The following GRM7 variants were observed in gnomAD, a reference collection of about 807,000 sequenced individuals.
GRM7 encodes glutamate metabotropic receptor 7.
A neutral mutation model predicts 84.5 loss-of-function variants in GRM7; 35 were observed. The observed-to-expected ratio is 0.41, with a 90% CI of 0.32 to 0.55. GRM7 has a LOEUF of 0.55. GRM7 is among the 20% of genes least tolerant of loss of function. The probability of loss-of-function intolerance (pLI) is 0.19; values close to 1 mark genes in which losing one functional copy is unlikely to be tolerated. For missense variants in GRM7, 1,003 were observed against 1,194.6 expected (o/e 0.84, Z 2.36); for synonymous variants, 487 against 455.1 (o/e 1.07, Z -0.89).
At chr3:7,201,589 G>C (rs924387473) in intron 2 of GRM7, among the ~76,000 whole-genome samples, 4 of 152,134 alleles carry the variant, frequency 2.6e-5, no homozygotes, top group South Asian at 2.1e-4. Context: ...TTGAAGGTTT[G>C]CTATGTACCA....
intron 8 of GRM7, among the ~76,000 whole-genome samples, chr3:7,632,773 C>G (rs2125097747): frequency 6.6e-6 from 1 of 152,268 alleles, no homozygotes; most frequent in East Asian, 1.9e-4. Context: ...TTCCTGAGCA[C>G]TGTCATCCTA....
chr3:7,616,113 A>G (rs1697067950), intron 8 of GRM7, among the ~76,000 whole-genome samples: 1 of 152,118 alleles, frequency 6.6e-6, no homozygotes, highest in African/African-American at 2.4e-5. Context: ...ATAATGCTCT[A>G]TTTAGAAATT....
At chr3:7,484,461 C>T (rs1402486481) in intron 7 of GRM7, among the ~76,000 whole-genome samples, 1 of 151,984 alleles carries the variant, frequency 6.6e-6, no homozygotes, top group African/African-American at 2.4e-5. Context: ...GTGTCAATAC[C>T]CATAAAGTGT....
chr3:7,581,950 T>C (rs1489608002), intron 8 of GRM7, among the ~76,000 whole-genome samples: 6 of 152,154 alleles, frequency 3.9e-5, no homozygotes, highest in Non-Finnish European at 8.8e-5. Flanking sequence ...TGTTTTATCA[T>C]TGTTAATCCC....
At chr3:7,250,542 A>G (rs77165750) in intron 2 of GRM7, among the ~76,000 whole-genome samples, 151,632 of 151,636 alleles carry the variant, frequency 1, 75,814 homozygotes, top group Non-Finnish European at 1. Flanking sequence ...AAAAAATCCA[A>G]AAAAATCCCC....
intron 4 of GRM7, among the ~76,000 whole-genome samples, chr3:7,346,920 G>A (rs1406589982): frequency 6.6e-6 from 1 of 151,928 alleles, no homozygotes; most frequent in African/African-American, 2.4e-5. Flanking sequence ...ACCTACTTTG[G>A]GACTTCTGAC....
chr3:7,110,875 A>C (rs148237209), intron 1 of GRM7, among the ~76,000 whole-genome samples: 29 of 152,188 alleles, frequency 1.9e-4, no homozygotes, highest in African/African-American at 5.8e-4. Context: ...GATGAGGAAC[A>C]TTCAACACAG....
chr3:6,931,615 T>G (rs1034273071), intron 1 of GRM7, among the ~76,000 whole-genome samples: 19 of 152,330 alleles, frequency 1.2e-4, no homozygotes, highest in African/African-American at 4.3e-4. Context: ...CTACCTTATT[T>G]ACTCTAAGAA....
chr3:7,134,275 G>A (rs1693698956), intron 1 of GRM7, among the ~76,000 whole-genome samples: 1 of 152,062 alleles, frequency 6.6e-6, no homozygotes, highest in South Asian at 2.1e-4. Flanking sequence ...AAAATTTGCA[G>A]CTTCTTCCTT....
At chr3:6,987,779 A>T (rs968659467) in intron 1 of GRM7, among the ~76,000 whole-genome samples, 4 of 152,140 alleles carry the variant, frequency 2.6e-5, no homozygotes, top group Admixed American at 6.5e-5. Flanking sequence ...AGTATTGAGG[A>T]CCAAGATTCC....
chr3:7,095,365 CT>C (rs1290663880), intron 1 of GRM7, among the ~76,000 whole-genome samples: 1 of 152,146 alleles, frequency 6.6e-6, no homozygotes, highest in African/African-American at 2.4e-5. Context: ...AAGCATCCCT[CT>C]TTGGAATGAC....
At chr3:7,399,251 TTG>T (rs1695346859) in intron 4 of GRM7, among the ~76,000 whole-genome samples, 1 of 152,028 alleles carries the variant, frequency 6.6e-6, no homozygotes, top group African/African-American at 2.4e-5. Flanking sequence ...ACCCTCTACC[TTG>T]TTCTCTAAGC....
intron 2 of GRM7, among the ~76,000 whole-genome samples, chr3:7,248,171 C>T (rs1343045038): frequency 6.6e-6 from 1 of 152,122 alleles, no homozygotes; most frequent in East Asian, 1.9e-4. Context: ...ATACTCAATG[C>T]TTATAGCAGC....
chr3:7,065,026 T>C (rs1220452509), intron 1 of GRM7, among the ~76,000 whole-genome samples: 3 of 151,990 alleles, frequency 2.0e-5, no homozygotes, highest in Non-Finnish European at 4.4e-5. Context: ...GCCCACTTTT[T>C]GATGGGATTG....
At chr3:6,882,548 A>C (rs1154355) in intron 1 of GRM7, among the ~76,000 whole-genome samples, 91,029 of 144,756 alleles carry the variant, frequency 0.63, 28,949 homozygotes, top group Middle Eastern at 0.76. Context: ...CTTGTTTCCC[A>C]AAAAAAAAAT....
At chr3:7,419,677 A>G (rs1408345273) in intron 5 of GRM7, among the ~76,000 whole-genome samples, 2 of 152,182 alleles carry the variant, frequency 1.3e-5, no homozygotes, top group Admixed American at 1.3e-4. Flanking sequence ...TTGTCTAACT[A>G]ATATCACTGT....
chr3:7,099,589 TATGTAC>T (rs1331532344), intron 1 of GRM7, among the ~76,000 whole-genome samples: 1 of 141,292 alleles, frequency 7.1e-6, no homozygotes, highest in East Asian at 2.0e-4. Context: ...CATATATGTA[TATGTAC>T]ACGCATTATA....
Position 7,472,306 on chromosome 3 carries a change from T to C in GRM7, c.1515+10584T>C, listed in dbSNP as rs139139572. Among the ~76,000 whole-genome samples, 745 of 152,292 alleles carry C rather than the reference T, an allele frequency of 4.9e-3. 1 individual carries two copies. The highest frequency in any genetic ancestry group is 8.4e-3 in the Non-Finnish European group (571 of 68,018). On this transcript the variant is annotated intron_variant, in intron 7 of 9. Coordinates refer to ENST00000357716, the MANE Select transcript of GRM7 (RefSeq NM_000844.4). ...TCCTCTATAGAAACATAAAATGGAC[T>C]AAGAGAGTTCACATAATTGTGTAAA... is the stretch of plus-strand genomic sequence containing the variant.
chr3:7,232,116 G>A (rs1697213973), intron 2 of GRM7, among the ~76,000 whole-genome samples: 1 of 152,124 alleles, frequency 6.6e-6, no homozygotes, highest in African/African-American at 2.4e-5. Context: ...ATTAGTAGCA[G>A]TTTTGACAAA....
Sources: gnomAD v4.1 joint callset for allele counts (sites outside exome capture counted in the v4.1 genomes callset) on GRCh38, gnomAD v4.1.1 for gene constraint, MANE v1.5 for transcripts, NCBI Gene and HGNC (gene_info 2026-07-23, HGNC 2026-07-21) for gene names.